CYFIP1: variants seen among roughly 807,000 people sequenced by gnomAD.
CYFIP1 encodes the protein cytoplasmic FMR1 interacting protein 1.
Under a neutral mutation model 163.5 loss-of-function variants are expected in CYFIP1, and 58 were observed. That is an observed-to-expected ratio of 0.35 (90% confidence interval 0.29 to 0.44). The LOEUF (loss-of-function observed/expected upper bound fraction) is 0.44. Ranked by LOEUF, CYFIP1 falls within the 20% of genes least tolerant of loss-of-function variation. The pLI, the probability that CYFIP1 is intolerant of heterozygous loss-of-function variation, is 1.00. For missense variants in CYFIP1, 1,338 were observed against 1,653.8 expected (o/e 0.81, Z 3.31); for synonymous variants, 663 against 660.7 (o/e 1.00, Z -0.05).
intron 3 of CYFIP1, among the ~76,000 whole-genome samples, chr15:22,945,516 G>A (rs1385967012): frequency 6.6e-6 from 1 of 151,984 alleles, no homozygotes; most frequent in East Asian, 1.9e-4. Flanking sequence ...CGTTTCCTTT[G>A]GAAAAAATCA....
upstream of CYFIP1, among the ~76,000 whole-genome samples, chr15:22,980,790 G>C (rs1288654761): frequency 6.6e-6 from 1 of 152,062 alleles, no homozygotes; most frequent in Non-Finnish European, 1.5e-5. Flanking sequence ...GGCAGGAGGC[G>C]CTCACCTGCG....
chr15:22,923,403 G>T (rs556387126), intron 13 of CYFIP1, among the ~76,000 whole-genome samples: 1 of 152,092 alleles, frequency 6.6e-6, no homozygotes, highest in Non-Finnish European at 1.5e-5. Flanking sequence ...AATCAAAAGC[G>T]CAATGAAATG....
chr15:22,896,292 C>T (rs1354460291), intron 22 of CYFIP1, among the ~76,000 whole-genome samples: 2 of 152,158 alleles, frequency 1.3e-5, no homozygotes, highest in South Asian at 2.1e-4. Flanking sequence ...CTGGTCAGTG[C>T]TAGGCCCAAC....
In CYFIP1 at chr15:22,943,181, C is replaced by T. The variant is rs530221441; in HGVS notation, c.561G>A (p.Ala187=). 25 of 1,614,078 alleles carry T rather than the reference C, an allele frequency of 1.5e-5. No homozygotes were observed. The highest frequency in any genetic ancestry group is 6.7e-5 in the African/African-American group (5 of 75,072). ...GCGAGGTGGGTGCTCACCTCTTGTA[C>T]GCTGAGTGGTCGTTCTTCACACTGC... The part of the protein sequence containing the change: ...MKCSVKNDHS[A]YKRAAQFLRK... Residue 187 remains alanine (A), a synonymous_variant, in exon 6 of 31, where the codon GCG becomes GCA. Transcript: ENST00000617928.
intron 9 of CYFIP1, 122 bp downstream of exon 9, chr15:22,936,982 C>G: frequency 2.9e-6 from 2 of 693,710 alleles, no homozygotes. Context: ...CGTGCATGCC[C>G]CAGACTCCAC....
chr15:22,960,823 G>A (rs1469039827), intron 1 of CYFIP1, among the ~76,000 whole-genome samples: 14 of 152,164 alleles, frequency 9.2e-5, no homozygotes, highest in Admixed American at 9.2e-4. Flanking sequence ...CACATCCCAG[G>A]AGGTTTCTTA....
intron 1 of CYFIP1, among the ~76,000 whole-genome samples, chr15:22,966,779 C>T (rs1001292146): frequency 6.6e-6 from 1 of 151,744 alleles, no homozygotes; most frequent in African/African-American, 2.4e-5. Context: ...AAAGGGAACC[C>T]GCTTGGCAGC....
intron 1 of CYFIP1, among the ~76,000 whole-genome samples, chr15:22,975,339 G>A (rs1449920217): frequency 2.0e-5 from 3 of 151,406 alleles, no homozygotes; most frequent in African/African-American, 4.9e-5. Flanking sequence ...GCATGGTGGC[G>A]GGTGCCTGTA....
intron 28 of CYFIP1, among the ~76,000 whole-genome samples, chr15:22,874,042 G>GA (rs1218098018): frequency 1.3e-5 from 2 of 152,204 alleles, no homozygotes; most frequent in African/African-American, 4.8e-5. Flanking sequence ...CCCGGCCCTG[G>GA]AAAAATGTTT....
At chr15:22,883,707 C>T (rs920827504) in intron 23 of CYFIP1, among the ~76,000 whole-genome samples, 7 of 150,610 alleles carry the variant, frequency 4.6e-5, no homozygotes, top group South Asian at 4.2e-4. Flanking sequence ...GTCCCAGCTA[C>T]TCGGGAGGCT....
At chr15:22,919,831 G>A (rs1403181208) in intron 13 of CYFIP1, among the ~76,000 whole-genome samples, 10 of 151,952 alleles carry the variant, frequency 6.6e-5, no homozygotes, top group African/African-American at 1.9e-4. Flanking sequence ...AGATCAGCCC[G>A]AACAAAATGG....
At chr15:22,945,805 A>G (rs1209476030) in intron 3 of CYFIP1, among the ~76,000 whole-genome samples, 1 of 151,270 alleles carries the variant, frequency 6.6e-6, no homozygotes, top group Non-Finnish European at 1.5e-5. Context: ...CTGGTCTCGA[A>G]CTCCTGACCC....
At position 22,896,586 on chromosome 15, in the gene CYFIP1, C is replaced by T. The variant is rs545450343; in HGVS notation, c.2589-3609G>A. On this transcript the variant is annotated intron_variant, in intron 22 of 30. Coordinates refer to ENST00000617928, the MANE Select transcript of CYFIP1 (RefSeq NM_014608.6). ...TATAATCTCAAACTCACTCAACTCC[C>T]GCAAAGTCTACTCTGATATTCGGCC... Among the ~76,000 whole-genome samples, 3 of 152,070 alleles carry T rather than the reference C, an allele frequency of 2.0e-5. No individual in the cohort carries two copies. The East Asian group carries it at 5.8e-4, about 29-fold the overall frequency.
intron 5 of CYFIP1, among the ~76,000 whole-genome samples, chr15:22,944,238 C>CAAAAAAAAA (rs34662161): frequency 2.1e-5 from 2 of 94,958 alleles, no homozygotes; most frequent in Non-Finnish European, 4.0e-5. Context: ...GACTCTGTCT[C>CAAAAAAAAA]AAAAAAAAAA....
At chr15:22,953,883 G>A (rs2062347126) in intron 1 of CYFIP1, among the ~76,000 whole-genome samples, 2 of 152,012 alleles carry the variant, frequency 1.3e-5, no homozygotes, top group South Asian at 4.2e-4. Flanking sequence ...GTGAAACTCC[G>A]TCTCTATTAA....
intron 22 of CYFIP1, among the ~76,000 whole-genome samples, chr15:22,894,175 C>A (rs187462642): frequency 6.6e-6 from 1 of 151,482 alleles, no homozygotes; most frequent in African/African-American, 2.4e-5. Flanking sequence ...ACAATGGTGA[C>A]GGCGGGGTGC....
chr15:22,880,898 T>TA (rs1469116200), intron 25 of CYFIP1, among the ~76,000 whole-genome samples: 1 of 152,192 alleles, frequency 6.6e-6, no homozygotes, highest in African/African-American at 2.4e-5. Context: ...GCTTTCCCTG[T>TA]ACCACACTGG....
chr15:22,936,964 C>CG, intron 9 of CYFIP1, 140 bp downstream of exon 9: 1 of 644,918 alleles, frequency 1.6e-6, no homozygotes, highest in East Asian at 2.7e-5. Context: ...CCTCTGCAGA[C>CG]GGGAGAACGT....
At chr15:22,888,663 C>T (rs543202567) in intron 23 of CYFIP1, among the ~76,000 whole-genome samples, 3 of 149,214 alleles carry the variant, frequency 2.0e-5, no homozygotes, top group Admixed American at 6.8e-5. Context: ...GCCTGGGAGG[C>T]GGAGGTTTCA....
Sources: allele counts gnomAD v4.1 joint callset (sites outside exome capture counted in the v4.1 genomes callset), GRCh38; gene constraint gnomAD v4.1.1; transcripts MANE v1.5; gene names NCBI Gene and HGNC (gene_info 2026-07-23, HGNC 2026-07-21).